Variants in SNX25 observed in about 807,000 individuals in gnomAD.
The protein encoded by SNX25 is sorting nexin-25.
SNX25 carries 62 observed loss-of-function variants against 113.7 expected under a neutral mutation model. The ratio of observed to expected loss-of-function variants is 0.55; its 90% confidence interval spans 0.44 to 0.67. The LOEUF is 0.67. Ranked by LOEUF, SNX25 falls within the 30% of genes least tolerant of loss-of-function variation. The pLI, the probability that SNX25 is intolerant of heterozygous loss-of-function variation, is 0.00. For missense variants in SNX25, 1,014 were observed against 1,161.0 expected (o/e 0.87, Z 1.84); for synonymous variants, 421 against 436.2 (o/e 0.97, Z 0.43).
At chr4:185,306,725 T>A (rs997269737) in intron 6 of SNX25, among the ~76,000 whole-genome samples, 2 of 152,218 alleles carry the variant, frequency 1.3e-5, no homozygotes, top group Non-Finnish European at 2.9e-5. Flanking sequence ...CTATGAAGTT[T>A]AAGGATATAT....
intron 1 of SNX25, among the ~76,000 whole-genome samples, chr4:185,240,240 A>G (rs1294619517): frequency 7.3e-5 from 11 of 151,610 alleles, no homozygotes; most frequent in South Asian, 2.1e-4. Flanking sequence ...ATTCCACAAA[A>G]CCGCCATTGT....
At chr4:185,279,697 G>A (rs1442561520) in intron 5 of SNX25, among the ~76,000 whole-genome samples, 1 of 152,174 alleles carries the variant, frequency 6.6e-6, no homozygotes, top group African/African-American at 2.4e-5. Flanking sequence ...ATTGGCAAGG[G>A]TGTAGGAAAA....
chr4:185,207,558 G>T (rs1222138942), upstream of SNX25, among the ~76,000 whole-genome samples: 3 of 152,078 alleles, frequency 2.0e-5, no homozygotes, highest in African/African-American at 7.2e-5. Flanking sequence ...TCAGGATCAA[G>T]AATTTAACCT....
chr4:185,300,509 A>G (rs1753506074), intron 6 of SNX25, among the ~76,000 whole-genome samples: 1 of 151,662 alleles, frequency 6.6e-6, no homozygotes, highest in Admixed American at 6.6e-5. Flanking sequence ...TTCTTTGTCC[A>G]TTCTAGAATT....
chr4:185,266,612 T>C (rs1243425873), intron 4 of SNX25, among the ~76,000 whole-genome samples: 1 of 152,176 alleles, frequency 6.6e-6, no homozygotes, highest in East Asian at 1.9e-4. Context: ...TCCACCTGTC[T>C]CAGCCTCCCA....
At chr4:185,376,441 T>C in the SNX25 span, among the ~76,000 whole-genome samples, 116 of 131,280 alleles carry the variant, frequency 8.8e-4, no homozygotes, top group Non-Finnish European at 1.5e-3. Context: ...CATGCCCAGC[T>C]ACTTTTTTTT....
intron 6 of SNX25, among the ~76,000 whole-genome samples, chr4:185,308,467 G>A (rs139036950): frequency 1.4e-3 from 212 of 152,298 alleles, no homozygotes; most frequent in African/African-American, 4.2e-3. Context: ...TGGAGGGAGC[G>A]TTAGAAGCCA....
Position 185,287,964 on chromosome 4 carries a change from G to A in SNX25, c.1092-48G>A, listed in dbSNP as rs776863971. 7 of 1,449,320 alleles carry A rather than the reference G, an allele frequency of 4.8e-6. No individual in the cohort carries two copies. The Admixed American group carries it at 5.3e-5, about 11-fold the overall frequency. The allele number at this position is 1,449,320 out of a possible 1,614,324, so 89.8% of individuals were successfully genotyped here. On this transcript the variant is annotated intron_variant, in intron 5 of 18. Transcript: ENST00000652585. ...CAGTCTAAAGTTATTTCTGAAAATA[G>A]TATTTTCTTCCTCTTAAATCTTTTT...
chr4:185,262,653 A>G (rs1747487995), intron 3 of SNX25, among the ~76,000 whole-genome samples: 2 of 152,226 alleles, frequency 1.3e-5, no homozygotes, highest in African/African-American at 4.8e-5. Flanking sequence ...TCTCATCTAT[A>G]GAATACACGT....
chr4:185,242,041 T>C (rs948665424), intron 1 of SNX25, among the ~76,000 whole-genome samples: 3 of 150,114 alleles, frequency 2.0e-5, no homozygotes, highest in Admixed American at 6.8e-5. Flanking sequence ...TTGGGGAAAA[T>C]GATTAGTGGA....
rs200553197 is a variant in SNX25 at position 185,323,718 on chromosome 4, T to C, written c.1667T>C (p.Ile556Thr). 67 of 1,613,656 alleles carry C rather than the reference T, an allele frequency of 4.2e-5. No homozygotes were observed. The highest frequency in any genetic ancestry group is 5.2e-5 in the Non-Finnish European group (61 of 1,179,800). The part of the protein sequence containing the change: ...TLKDRYYPSF[I>T]VSDLYEKLLI... ...AAGGATAGGTATTACCCTTCATTTA[T>C]TGTCAGTGACCTGTATGAGAAATTG... The change falls in exon 9 of 19, where the codon ATT becomes ACT. Residue 556 changes from isoleucine (I) to threonine (T), a missense_variant. Physicochemically the swap from Ile to Thr is moderately conservative, Grantham distance 89. Transcript: ENST00000652585.
At chr4:185,367,911 A>G (rs992632967), downstream of SNX25, among the ~76,000 whole-genome samples, 116 of 152,174 alleles carry the variant, frequency 7.6e-4, no homozygotes, top group Non-Finnish European at 1.4e-3. Context: ...CGGGCGCGGT[A>G]GCTCACACCT....
chr4:185,263,704 G>T (rs141963554), intron 3 of SNX25, among the ~76,000 whole-genome samples: 1 of 152,106 alleles, frequency 6.6e-6, no homozygotes, highest in East Asian at 1.9e-4. Context: ...TTAGCTACTA[G>T]TTACTGTAAA....
In SNX25 at chr4:185,338,127, ATATC is replaced by A. The variant is rs532163911; in HGVS notation, c.1915-1251_1915-1248del. 2.0e-4 allele frequency among the ~76,000 whole-genome samples: 31 copies of A among 152,304 alleles called. No homozygotes were observed. In the South Asian group the frequency reaches 6.4e-3, roughly 32 times the overall value. ...ATATTTCGTGGTTTGCATTTTTACT[ATATC>A]AATAGTGTTCTTTGATGCACAGAGT... is the stretch of plus-strand genomic sequence containing the variant. On this transcript the variant is annotated intron_variant, in intron 10 of 18. Transcript: ENST00000652585.
intron 7 of SNX25, among the ~76,000 whole-genome samples, chr4:185,318,943 GCT>G (rs2095096602): frequency 6.6e-6 from 1 of 152,114 alleles, no homozygotes; most frequent in African/African-American, 2.4e-5. Flanking sequence ...TCCACAGGTA[GCT>G]ACTCTGTGTT....
At chr4:185,223,567 C>T (rs1284836362) in intron 1 of SNX25, among the ~76,000 whole-genome samples, 4 of 151,284 alleles carry the variant, frequency 2.6e-5, no homozygotes, top group Non-Finnish European at 4.4e-5. Flanking sequence ...TTTGGGAGGC[C>T]GAGAAGGGTA....
At position 185,363,448 on chromosome 4, in the gene SNX25, A is replaced by G; in HGVS notation, c.2998A>G (p.Lys1000Glu). 1 of 1,614,078 alleles carries G rather than the reference A, an allele frequency of 6.2e-7. No individual in the cohort carries two copies. Among genetic ancestry groups the G allele is most frequent in the South Asian group, 1.1e-5 (1 of 91,084 alleles). ...GCTGAGAGTTCATTTAGATCAACTT[A>G]AAGCTGGCCAAGTTTGAGACTACAC... The part of the protein sequence containing the change: ...PELRVHLDQL[K>E]AGQV The change falls in exon 19 of 19, where the codon AAA (lysine) becomes GAA (glutamate). Residue 1000 changes from lysine (K) to glutamate (E), a missense_variant. Coordinates refer to ENST00000652585, the MANE Select transcript of SNX25 (RefSeq NM_001378034.2). This position sits in a 1 kb window ranked among gnomAD's most constrained non-coding sequence, Gnocchi z 4.2.
At chr4:185,229,525 C>T (rs1176724550) in intron 1 of SNX25, among the ~76,000 whole-genome samples, 1 of 152,158 alleles carries the variant, frequency 6.6e-6, no homozygotes, top group Non-Finnish European at 1.5e-5. Context: ...ATTGCATTAT[C>T]CATTATTAAA....
At chr4:185,219,090 C>G (rs545205861) in intron 1 of SNX25, among the ~76,000 whole-genome samples, 1 of 152,296 alleles carries the variant, frequency 6.6e-6, no homozygotes, top group East Asian at 1.9e-4. Context: ...TATGCCGCCA[C>G]TGCCAGTCTG....
Sources: gnomAD v4.1 joint callset for allele counts (sites outside exome capture counted in the v4.1 genomes callset) on GRCh38, gnomAD v4.1.1 for gene constraint, Gnocchi (gnomAD v3.1) non-coding constraint, MANE v1.5 for transcripts, NCBI Gene and HGNC (gene_info 2026-07-23, HGNC 2026-07-21) for gene names.